The following PTPRG variants were observed in gnomAD, a reference collection of about 807,000 sequenced individuals.
PTPRG encodes protein tyrosine phosphatase receptor type G.
In PTPRG, 102 loss-of-function variants were observed where a neutral mutation model predicts 165.3. The observed-to-expected ratio is 0.62, with a 90% confidence interval of 0.53 to 0.73. The LOEUF (loss-of-function observed/expected upper bound fraction) is 0.73, where lower values mean the gene tolerates loss of function less well. PTPRG is among the 30% of genes least tolerant of loss of function. The probability of loss-of-function intolerance (pLI) is 0.00; values close to 1 mark genes in which losing one functional copy is unlikely to be tolerated. For synonymous variants in PTPRG, 675 were observed against 669.5 expected (o/e 1.01, Z -0.13); for missense variants, 1,866 against 1,861.4 (o/e 1.00, Z -0.05).
At position 62,158,308 on chromosome 3, in the gene PTPRG, T is replaced by C. The variant is rs763314544; in HGVS notation, c.840+1084T>C. Among the ~76,000 whole-genome samples the C allele has an allele frequency of 1.3e-4, 20 of 152,338 alleles. No homozygotes were observed. In the South Asian group the frequency reaches 1.5e-3, roughly 11 times the overall value. On this transcript the variant is annotated intron_variant, in intron 7 of 29. Transcript: ENST00000474889. ...ACTGAATTACAAAAAGTGTCAAATT[T>C]CTTCTGCATTATTCCCAAAAATAGA...
intron 2 of PTPRG, among the ~76,000 whole-genome samples, chr3:61,889,707 A>T (rs2038154863): frequency 6.6e-6 from 1 of 152,196 alleles, no homozygotes; most frequent in Non-Finnish European, 1.5e-5. Context: ...GATGGTTTTT[A>T]AGGAGGGATG....
intron 1 of PTPRG, among the ~76,000 whole-genome samples, chr3:61,654,735 G>A (rs1382759968): frequency 6.6e-6 from 1 of 150,516 alleles, no homozygotes; most frequent in Non-Finnish European, 1.5e-5. Context: ...GGGCTTAATG[G>A]GTTGACCTTC....
intron 4 of PTPRG, among the ~76,000 whole-genome samples, chr3:62,066,622 A>G (rs889042094): frequency 6.6e-6 from 1 of 152,182 alleles, no homozygotes; most frequent in Non-Finnish European, 1.5e-5. Context: ...GCTCCACTGC[A>G]TTTCAGAACC....
intron 1 of PTPRG, among the ~76,000 whole-genome samples, chr3:61,651,247 G>A (rs1367010939): frequency 6.6e-6 from 1 of 151,888 alleles, no homozygotes; most frequent in Non-Finnish European, 1.5e-5. Context: ...TCTTGGTAGG[G>A]TTTAGTTGAT....
intron 1 of PTPRG, among the ~76,000 whole-genome samples, chr3:61,748,040 A>G (rs889964215): frequency 6.6e-6 from 1 of 152,206 alleles, no homozygotes; most frequent in Non-Finnish European, 1.5e-5. Context: ...GCTCTCCATA[A>G]TGGGTGAGAG....
chr3:61,686,121 G>A (rs974496948), intron 1 of PTPRG, among the ~76,000 whole-genome samples: 6 of 152,128 alleles, frequency 3.9e-5, no homozygotes, highest in Admixed American at 6.6e-5. Flanking sequence ...TTTTAGTACC[G>A]AGATGCATGC....
intron 2 of PTPRG, among the ~76,000 whole-genome samples, chr3:61,967,047 C>T (rs565693407): frequency 1.3e-5 from 2 of 152,276 alleles, no homozygotes; most frequent in African/African-American, 4.8e-5. Flanking sequence ...CCAGAGAAAA[C>T]CTGGTTTTCT....
At position 62,130,878 on chromosome 3, in the gene PTPRG, C is replaced by G. The variant is rs138534353; in HGVS notation, c.616-1724C>G. Among the ~76,000 whole-genome samples, 299 of 152,248 alleles carry G rather than the reference C, an allele frequency of 2.0e-3. 1 individual carries two copies. The highest frequency in any genetic ancestry group is 7.1e-3 in the African/African-American group (293 of 41,560). On this transcript the variant is annotated intron_variant, in intron 5 of 29. Coordinates refer to ENST00000474889, the MANE Select transcript of PTPRG (RefSeq NM_002841.4). Reference sequence around the variant, plus strand: ...TCTTCTCAGGCAATTTGTAGGCACACTTATGCCAACTCCCAGAATTCCACC... The same window carrying G: ...TCTTCTCAGGCAATTTGTAGGCACAGTTATGCCAACTCCCAGAATTCCACC...
intron 1 of PTPRG, among the ~76,000 whole-genome samples, chr3:61,621,274 C>T (rs998292053): frequency 5.9e-5 from 9 of 152,038 alleles, no homozygotes; most frequent in South Asian, 2.1e-4. Context: ...CCTTAGGTGA[C>T]GAGGCTGGCA....
chr3:61,830,665 C>G (rs772230623), intron 2 of PTPRG, among the ~76,000 whole-genome samples: 1 of 145,088 alleles, frequency 6.9e-6, no homozygotes, highest in African/African-American at 2.6e-5. Context: ...ACCTCCACCT[C>G]TCAGGTTCAA....
At chr3:62,178,096 TAAGA>T (rs1705499825) in intron 8 of PTPRG, among the ~76,000 whole-genome samples, 1 of 151,758 alleles carries the variant, frequency 6.6e-6, no homozygotes, top group African/African-American at 2.4e-5. Context: ...CATGGATGGA[TAAGA>T]GGATGGATGG....
intron 2 of PTPRG, among the ~76,000 whole-genome samples, chr3:61,914,824 AG>A (rs538602081): frequency 1.5e-3 from 232 of 152,368 alleles, no homozygotes; most frequent in African/African-American, 5.3e-3. Flanking sequence ...TTTGATGAGG[AG>A]GATGGGCATA....
chr3:61,951,248 C>T (rs762091828), intron 2 of PTPRG, among the ~76,000 whole-genome samples: 5 of 152,196 alleles, frequency 3.3e-5, no homozygotes, highest in Non-Finnish European at 7.3e-5. Context: ...CACTTCTATT[C>T]CAGCCTGTCC....
chr3:61,782,692 T>C (rs1205286757), intron 2 of PTPRG, among the ~76,000 whole-genome samples: 3 of 152,254 alleles, frequency 2.0e-5, no homozygotes, highest in Non-Finnish European at 4.4e-5. Flanking sequence ...TTAACCTAGT[T>C]GACCTGGCGC....
intron 6 of PTPRG, among the ~76,000 whole-genome samples, chr3:62,139,309 AT>A (rs1703835144): frequency 6.6e-6 from 1 of 152,068 alleles, no homozygotes; most frequent in Non-Finnish European, 1.5e-5. Flanking sequence ...TACTACAAAA[AT>A]TAACCAGGCT....
At chr3:61,918,386 A>G (rs1920059) in intron 2 of PTPRG, among the ~76,000 whole-genome samples, 1,619 of 152,274 alleles carry the variant, frequency 0.011, 36 homozygotes, top group South Asian at 0.093. Flanking sequence ...ACACACACAC[A>G]GAGTATATGT....
chr3:61,759,378 C>T (rs1413798157), intron 2 of PTPRG, among the ~76,000 whole-genome samples: 7 of 152,136 alleles, frequency 4.6e-5, no homozygotes, highest in African/African-American at 1.7e-4. Flanking sequence ...TTTTCCACTG[C>T]GTGTAGTGGC....
At chr3:62,007,836 G>C (rs1024405424) in intron 4 of PTPRG, among the ~76,000 whole-genome samples, 4 of 152,328 alleles carry the variant, frequency 2.6e-5, no homozygotes, top group Admixed American at 6.5e-5. Flanking sequence ...CCTGAGGCAG[G>C]TGGTGTTTGT....
At chr3:61,969,946 T>A (rs984456923) in intron 2 of PTPRG, among the ~76,000 whole-genome samples, 3 of 152,188 alleles carry the variant, frequency 2.0e-5, no homozygotes, top group African/African-American at 7.2e-5. Flanking sequence ...AGTGAGGTTG[T>A]TTTTTAGATT....
Sources: gnomAD v4.1 joint callset for allele counts (sites outside exome capture counted in the v4.1 genomes callset) on GRCh38, gnomAD v4.1.1 for gene constraint, MANE v1.5 for transcripts, NCBI Gene and HGNC (gene_info 2026-07-23, HGNC 2026-07-21) for gene names.